ZSCAN23: variants seen among roughly 807,000 people sequenced by gnomAD.
ZSCAN23 encodes zinc finger and SCAN domain-containing protein 23.
In ZSCAN23, 19 loss-of-function variants were observed where a neutral mutation model predicts 19.3. The observed-to-expected ratio is 0.99, with a 90% confidence interval of 0.69 to 1.45. ZSCAN23 has a LOEUF of 1.45. ZSCAN23 is among the 40% of genes most tolerant of loss of function. The pLI is 0.00. For missense variants in ZSCAN23, 372 were observed against 462.5 expected (o/e 0.80, Z 1.79); for synonymous variants, 140 against 166.2 (o/e 0.84, Z 1.21).
the ZSCAN23 span, among the ~76,000 whole-genome samples, chr6:28,425,144 C>A: frequency 6.6e-6 from 1 of 152,172 alleles, no homozygotes; most frequent in East Asian, 1.9e-4. Flanking sequence ...TCTTCAGTGA[C>A]TCGGTGCATT....
At chr6:28,423,019 A>T in the ZSCAN23 span, among the ~76,000 whole-genome samples, 4 of 152,168 alleles carry the variant, frequency 2.6e-5, no homozygotes, top group Non-Finnish European at 5.9e-5. Flanking sequence ...TGCCAGATAC[A>T]CTATTTGCGT....
chr6:28,421,597 C>T, the ZSCAN23 span, among the ~76,000 whole-genome samples: 1 of 152,104 alleles, frequency 6.6e-6, no homozygotes, highest in Non-Finnish European at 1.5e-5. Context: ...TTAAATTTAT[C>T]TGGTCAAAAA....
At position 28,434,363 on chromosome 6, in the gene ZSCAN23, A is replaced by G; in HGVS notation, c.*102T>C. ...TAAGATATTATGCTTCTCTCTGCAT[A>G]AAAGTAAGGGAATTTTTACTGGCTT... On this transcript the variant is annotated 3_prime_UTR_variant, in exon 4 of 4. Coordinates refer to ENST00000289788, the MANE Select transcript of ZSCAN23 (RefSeq NM_001012455.2). The G allele has an allele frequency of 7.4e-7, 1 of 1,352,506 alleles. No individual in the cohort carries two copies. The allele number at this position is 1,352,506 out of a possible 1,614,324, so 83.8% of individuals were successfully genotyped here. A position where few individuals can be genotyped will look rare whatever the true frequency, so the allele number is the denominator to read the frequency against.
At chr6:28,431,351 C>A (rs1193406104), downstream of ZSCAN23, among the ~76,000 whole-genome samples, 1 of 152,114 alleles carries the variant, frequency 6.6e-6, no homozygotes, top group Admixed American at 6.5e-5. Context: ...GGGACCGTAC[C>A]TCCTGGTTTA....
intron 1 of ZSCAN23, among the ~76,000 whole-genome samples, chr6:28,437,714 C>G (rs1436997274): frequency 1.3e-5 from 2 of 152,140 alleles, no homozygotes. Flanking sequence ...CGAGTAGAGA[C>G]TTTCAAACTT....
the ZSCAN23 span, among the ~76,000 whole-genome samples, chr6:28,423,874 A>C: frequency 6.6e-6 from 1 of 152,222 alleles, no homozygotes; most frequent in Non-Finnish European, 1.5e-5. Flanking sequence ...AGGTAAAAAA[A>C]AAAATTTCTG....
chr6:28,440,215 AAAG>A (rs1269064729), intron 1 of ZSCAN23, among the ~76,000 whole-genome samples: 1 of 152,238 alleles, frequency 6.6e-6, no homozygotes, highest in Non-Finnish European at 1.5e-5. Flanking sequence ...TGGCTGGAAC[AAAG>A]AAAACAAAAG....
In ZSCAN23 at chr6:28,434,444, T is replaced by G; in HGVS notation, c.*21A>C. On this transcript the variant is annotated 3_prime_UTR_variant, in exon 4 of 4. Coordinates refer to ENST00000289788, the MANE Select transcript of ZSCAN23 (RefSeq NM_001012455.2). ...AGCAGGGACAAAGTAAGAAATATTA[T>G]CCCCTACCTGTTCCAAGGAGCTAGC... The G allele has an allele frequency of 6.6e-7, 1 of 1,507,974 alleles. No homozygotes were observed. The highest frequency in any genetic ancestry group is 8.9e-7 in the Non-Finnish European group (1 of 1,123,376). 93.4% of individuals were successfully genotyped at this position (1,507,974 alleles called of 1,614,324 possible).
Position 28,434,820 on chromosome 6 carries a change from G to C in ZSCAN23, c.815C>G (p.Thr272Arg). 1 of 1,596,220 alleles carries C rather than the reference G, an allele frequency of 6.3e-7. No individual in the cohort carries two copies. The highest frequency in any genetic ancestry group is 1.1e-5 in the South Asian group (1 of 88,654). Reference sequence around the variant, plus strand: ...ATCACATTCATAAGGCTTCTCACCTGTGTGTGTTCTCTGGTGCTCGATAAG... The same window carrying C: ...ATCACATTCATAAGGCTTCTCACCTCTGTGTGTTCTCTGGTGCTCGATAAG... ...SILIEHQRTH[T>R]GEKPYECDEC... Residue 272 changes from threonine to arginine, a missense_variant, in exon 4 of 4, where the codon ACA becomes AGA. Physicochemically the swap from Thr to Arg is moderately conservative, Grantham distance 71 (BLOSUM62 -1). Transcript: ENST00000289788.
In ZSCAN23 at chr6:28,434,822, G is replaced by T. The variant is rs1382174067; in HGVS notation, c.813C>A (p.His271Gln). 6.3e-7 allele frequency: 1 copy of T among 1,595,910 alleles called. No individual in the cohort carries two copies. The highest frequency in any genetic ancestry group is 8.5e-7 in the Non-Finnish European group (1 of 1,170,998). Residue 271 changes from histidine (H) to glutamine (Q), a missense_variant, in exon 4 of 4, where the codon CAC becomes CAA. Coordinates refer to ENST00000289788, the MANE Select transcript of ZSCAN23 (RefSeq NM_001012455.2). ...CACATTCATAAGGCTTCTCACCTGT[G>T]TGTGTTCTCTGGTGCTCGATAAGGA... ...NSILIEHQRTHTGEKPYECDE... is the reference protein window; with the variant it reads ...NSILIEHQRTQTGEKPYECDE...
Position 28,436,250 on chromosome 6 carries a change from G to T in ZSCAN23, c.17C>A (p.Thr6Asn). 6.5e-7 allele frequency: 1 copy of T among 1,549,162 alleles called. No homozygotes were observed. The highest frequency in any genetic ancestry group is 1.2e-5 in the South Asian group (1 of 83,820). Residue 6 changes from threonine to asparagine, a missense_variant, in exon 2 of 4, where the codon ACC becomes AAC. Coordinates refer to ENST00000289788, the MANE Select transcript of ZSCAN23 (RefSeq NM_001012455.2). MAITLTLQTAEMQEGL... is the reference protein window; with the variant it reads MAITLNLQTAEMQEGL... ...TTCCTGCATCTCTGCAGTCTGAAGG[G>T]TCAAGGTTATGGCCATCAAAGGTTT...
intron 1 of ZSCAN23, among the ~76,000 whole-genome samples, chr6:28,436,996 C>A (rs993076641): frequency 1.3e-5 from 2 of 152,178 alleles, no homozygotes; most frequent in African/African-American, 4.8e-5. Flanking sequence ...ACCAACACTG[C>A]CTATCTTTCT....
the ZSCAN23 span, among the ~76,000 whole-genome samples, chr6:28,425,211 C>T: frequency 6.6e-6 from 1 of 152,158 alleles, no homozygotes; most frequent in Non-Finnish European, 1.5e-5. Context: ...CAGTAGGTCT[C>T]AACAGTGGGC....
downstream of ZSCAN23, among the ~76,000 whole-genome samples, chr6:28,430,970 C>T (rs886336207): frequency 6.6e-6 from 1 of 152,138 alleles, no homozygotes; most frequent in Non-Finnish European, 1.5e-5. Context: ...TGTACTCCAT[C>T]GGTCCCTATA....
intron 1 of ZSCAN23, among the ~76,000 whole-genome samples, chr6:28,438,826 C>T (rs2531802): frequency 0.028 from 4,275 of 152,174 alleles, 132 homozygotes; most frequent in African/African-American, 0.075. Flanking sequence ...GGGACACAGC[C>T]AAACCATATC....
intron 1 of ZSCAN23, among the ~76,000 whole-genome samples, chr6:28,442,623 A>G (rs918354958): frequency 6.6e-6 from 1 of 152,264 alleles, no homozygotes; most frequent in Non-Finnish European, 1.5e-5. Flanking sequence ...CAAATGAGCG[A>G]AGTAACTTCC....
chr6:28,437,863 T>A lies in ZSCAN23; in HGVS notation c.-77-1520A>T, dbSNP rs115679158. ...CACAAAACACTATGTATCCTTGCTC[T>A]ATATAGTGACATACAATTATTTTTA... On this transcript the variant is annotated intron_variant, in intron 1 of 3. Transcript: ENST00000289788. Among the ~76,000 whole-genome samples, 563 of 152,234 alleles carry A rather than the reference T, an allele frequency of 3.7e-3. 4 individuals carry two copies. Among genetic ancestry groups the A allele is most frequent in the Middle Eastern group, 0.021 (6 of 292 alleles).
chr6:28,425,690 C>T, the ZSCAN23 span, among the ~76,000 whole-genome samples: 4 of 152,150 alleles, frequency 2.6e-5, no homozygotes, highest in Non-Finnish European at 4.4e-5. Flanking sequence ...GTCACCAGCT[C>T]CATTAGCTCC....
downstream of ZSCAN23, among the ~76,000 whole-genome samples, chr6:28,427,363 T>C (rs1056730307): frequency 9.9e-5 from 15 of 152,230 alleles, no homozygotes; most frequent in African/African-American, 3.4e-4. Flanking sequence ...AGAACAGTTA[T>C]GCATTGCTTA....
Sources: allele counts gnomAD v4.1 joint callset (sites outside exome capture counted in the v4.1 genomes callset), GRCh38; gene constraint gnomAD v4.1.1; transcripts MANE v1.5; gene names NCBI Gene and HGNC (gene_info 2026-07-23, HGNC 2026-07-21).